The following CORIN variants were observed in gnomAD, a reference collection of about 807,000 sequenced individuals.
CORIN encodes the protein atrial natriuretic peptide-converting enzyme.
In CORIN, 117 loss-of-function variants were observed where a neutral mutation model predicts 125.3. The observed-to-expected ratio is 0.93, with a 90% confidence interval of 0.80 to 1.09. The LOEUF (loss-of-function observed/expected upper bound fraction) is 1.09, where lower values mean the gene tolerates loss of function less well. CORIN is among the 50% of genes least tolerant of loss of function. The pLI, the probability that CORIN is intolerant of heterozygous loss-of-function variation, is 0.00. For missense variants in CORIN, 1,253 were observed against 1,306.7 expected (o/e 0.96, Z 0.63); for synonymous variants, 450 against 466.4 (o/e 0.96, Z 0.45).
chr4:47,685,400 G>C (rs1725467032), intron 6 of CORIN, among the ~76,000 whole-genome samples: 1 of 152,128 alleles, frequency 6.6e-6, no homozygotes, highest in Non-Finnish European at 1.5e-5. Flanking sequence ...CTGTGTGAAA[G>C]AAATCAGATA....
At chr4:47,639,671 G>T (rs762117072) in intron 16 of CORIN, among the ~76,000 whole-genome samples, 4 of 152,186 alleles carry the variant, frequency 2.6e-5, no homozygotes, top group Non-Finnish European at 5.9e-5. Context: ...AACCCTTCTA[G>T]CAAGGGCTTT....
intron 4 of CORIN, among the ~76,000 whole-genome samples, chr4:47,755,080 T>C (rs899515497): frequency 5.3e-5 from 8 of 152,142 alleles, no homozygotes; most frequent in African/African-American, 1.2e-4. Context: ...CAAGTAACCT[T>C]AGGATGCTGG....
chr4:47,641,879 C>T, intron 16 of CORIN, 41 bp downstream of exon 16: 1 of 1,598,940 alleles, frequency 6.3e-7, no homozygotes, highest in Non-Finnish European at 8.5e-7. Flanking sequence ...TCCACAAAGC[C>T]TTCTGAGAAA....
intron 20 of CORIN, among the ~76,000 whole-genome samples, chr4:47,601,513 T>A (rs1721448066): frequency 1.3e-5 from 2 of 152,080 alleles, no homozygotes; most frequent in Non-Finnish European, 2.9e-5. Context: ...AAGCTAATTT[T>A]TTTTTTGTAG....
intron 20 of CORIN, 47 bp downstream of exon 20, chr4:47,603,350 G>C (rs764334846): frequency 6.4e-7 from 1 of 1,569,956 alleles, no homozygotes; most frequent in South Asian, 1.1e-5. Flanking sequence ...CCCACTCTCA[G>C]GTATGTGCTT....
chr4:47,651,436 T>A (rs999428807), intron 13 of CORIN, among the ~76,000 whole-genome samples: 2 of 152,222 alleles, frequency 1.3e-5, no homozygotes, highest in South Asian at 4.1e-4. Flanking sequence ...CTATTAGTCC[T>A]CTGTTGAGCC....
intron 6 of CORIN, 85 bp from the exon 7 acceptor site, chr4:47,683,923 G>A: frequency 1.0e-6 from 1 of 959,088 alleles, no homozygotes; most frequent in Non-Finnish European, 1.6e-6. Flanking sequence ...GCCAATCATG[G>A]AAGGGACACC....
At chr4:47,762,352 T>C (rs1273534418) in intron 4 of CORIN, among the ~76,000 whole-genome samples, 1 of 152,216 alleles carries the variant, frequency 6.6e-6, no homozygotes, top group Non-Finnish European at 1.5e-5. Context: ...ATGCAACTTA[T>C]TCTTGTATTA....
At chr4:47,669,572 CTTTT>C (rs1206820586) in intron 10 of CORIN, among the ~76,000 whole-genome samples, 1 of 135,498 alleles carries the variant, frequency 7.4e-6, no homozygotes, top group Non-Finnish European at 1.6e-5. Context: ...TATATATATG[CTTTT>C]TTTTTTTTTT....
chr4:47,653,333 G>T (rs117128844), intron 13 of CORIN, among the ~76,000 whole-genome samples: 1 of 152,184 alleles, frequency 6.6e-6, no homozygotes, highest in Non-Finnish European at 1.5e-5. Context: ...GAGGGGTACT[G>T]TATGTATCAG....
At position 47,594,933 on chromosome 4, in the gene CORIN, T is replaced by TG. The variant is rs988939504; in HGVS notation, c.*787dup. 9 of 152,146 alleles carry TG rather than the reference T, an allele frequency of 5.9e-5. No individual in the cohort carries two copies. The highest frequency in any genetic ancestry group is 1.4e-4 in the African/African-American group (6 of 41,448). The allele number at this position is 152,146 out of a possible 1,614,324, so 9.4% of individuals were successfully genotyped here. On this transcript the variant is annotated 3_prime_UTR_variant, in exon 22 of 22. Transcript: ENST00000273857. ...TTATGATCTTGATATACATCCAGAA[T>TG]GGGGGGTCCAATAATGTCAAGTGTT...
chr4:47,779,680 C>T (rs1426587612), intron 3 of CORIN, among the ~76,000 whole-genome samples: 2 of 152,108 alleles, frequency 1.3e-5, no homozygotes, highest in Admixed American at 1.3e-4. Context: ...AGGTGATCCA[C>T]CTGCCTCGGC....
At position 47,807,097 on chromosome 4, in the gene CORIN, G is replaced by A. The variant is rs1731831215; in HGVS notation, c.64-50C>T. The A allele has an allele frequency of 3.4e-6, 5 of 1,485,172 alleles. No homozygotes were observed. The East Asian group carries it at 1.1e-4, about 34-fold the overall frequency. The allele number at this position is 1,485,172 out of a possible 1,614,324, so 92.0% of individuals were successfully genotyped here. Reference sequence around the variant, plus strand: ...CATGGTTTTAGTTTTACAATACATGGTATGAAATTTTAGGTTACAGCTATC... The same window carrying A: ...CATGGTTTTAGTTTTACAATACATGATATGAAATTTTAGGTTACAGCTATC... On this transcript the variant is annotated intron_variant, in intron 1 of 21. Transcript: ENST00000273857.
intron 1 of CORIN, among the ~76,000 whole-genome samples, chr4:47,832,435 CTTTT>C (rs1225573944): frequency 1.4e-5 from 2 of 141,266 alleles, no homozygotes; most frequent in Non-Finnish European, 3.1e-5. Context: ...TTCTTTCTTT[CTTTT>C]CTTTTCTTTT....
intron 2 of CORIN, among the ~76,000 whole-genome samples, chr4:47,805,436 C>T (rs1731753341): frequency 6.6e-6 from 1 of 152,076 alleles, no homozygotes; most frequent in Admixed American, 6.6e-5. Flanking sequence ...TCCAATCAGT[C>T]TTGATTTCTG....
chr4:47,685,984 T>C (rs1198708882), intron 6 of CORIN, among the ~76,000 whole-genome samples: 3 of 149,168 alleles, frequency 2.0e-5, no homozygotes, highest in African/African-American at 7.4e-5. Flanking sequence ...TTCCAGCTGA[T>C]TGTTTCTCCT....
At chr4:47,730,350 G>A (rs1727813027) in intron 5 of CORIN, among the ~76,000 whole-genome samples, 1 of 151,990 alleles carries the variant, frequency 6.6e-6, no homozygotes, top group Admixed American at 6.6e-5. Flanking sequence ...GCGGCTGCCT[G>A]TAGTCCTAGC....
At chr4:47,674,267 G>T (rs1724904639) in intron 10 of CORIN, 126 bp downstream of exon 10, 1 of 687,434 alleles carries the variant, frequency 1.5e-6, no homozygotes. Flanking sequence ...CTTTTAAAAA[G>T]AAAAAGAAAA....
intron 13 of CORIN, among the ~76,000 whole-genome samples, chr4:47,646,043 C>CAAAAAAAAAAA (rs1165408037): frequency 1.0e-5 from 1 of 98,528 alleles, no homozygotes; most frequent in African/African-American, 3.9e-5. Flanking sequence ...CCACCTGTCT[C>CAAAAAAAAAAA]AAAAAAAAAA....
Sources: gnomAD v4.1 joint callset for allele counts (sites outside exome capture counted in the v4.1 genomes callset) on GRCh38, gnomAD v4.1.1 for gene constraint, MANE v1.5 for transcripts, NCBI Gene and HGNC (gene_info 2026-07-23, HGNC 2026-07-21) for gene names.